Variants in FNIP2 observed in about 807,000 individuals in gnomAD.
FNIP2 encodes folliculin-interacting protein 2.
In FNIP2, 32 loss-of-function variants were observed where a neutral mutation model predicts 108.7. The observed-to-expected ratio is 0.29, with a 90% CI of 0.22 to 0.40. FNIP2 has a LOEUF of 0.40. Ranked by LOEUF, FNIP2 falls within the 10% of genes least tolerant of loss-of-function variation. The pLI is 1.00. For synonymous variants in FNIP2, 480 were observed against 496.7 expected (o/e 0.97, Z 0.45); for missense variants, 1,202 against 1,381.6 (o/e 0.87, Z 2.06).
chr4:158,801,280 T>TC (rs1428907985), intron 1 of FNIP2, among the ~76,000 whole-genome samples: 1 of 152,052 alleles, frequency 6.6e-6, no homozygotes, highest in Admixed American at 6.6e-5. Flanking sequence ...TGGCAAGGTG[T>TC]CCGACAAGAT....
chr4:158,811,555 T>TAA (rs1553956224), intron 1 of FNIP2, among the ~76,000 whole-genome samples: 45,580 of 151,286 alleles, frequency 0.3, 7,501 homozygotes, highest in Non-Finnish European at 0.38. Flanking sequence ...ATAATATTAA[T>TAA]TAATAATAAT....
At chr4:158,776,796 G>A (rs7695844) in intron 1 of FNIP2, among the ~76,000 whole-genome samples, 54,089 of 152,062 alleles carry the variant, frequency 0.36, 10,023 homozygotes, top group Middle Eastern at 0.47. Flanking sequence ...CCTGTTGAAT[G>A]AATGAATGAA....
chr4:158,884,077 G>C (rs1781881011), intron 14 of FNIP2, among the ~76,000 whole-genome samples: 1 of 151,634 alleles, frequency 6.6e-6, no homozygotes. Context: ...TGCAAGAACG[G>C]CATTTCCTCA....
intron 8 of FNIP2, among the ~76,000 whole-genome samples, chr4:158,853,968 T>A (rs1779842887): frequency 6.6e-6 from 1 of 152,226 alleles, no homozygotes; most frequent in South Asian, 2.1e-4. Flanking sequence ...AAATTAATTT[T>A]AAAATGGCCT....
At chr4:158,841,033 T>C (rs1241725826) in intron 7 of FNIP2, among the ~76,000 whole-genome samples, 4 of 152,236 alleles carry the variant, frequency 2.6e-5, no homozygotes, top group African/African-American at 7.2e-5. Context: ...TTTTGGTCAC[T>C]CTGCAGATAC....
At chr4:158,851,131 T>G (rs958903507) in intron 7 of FNIP2, among the ~76,000 whole-genome samples, 190 bp from the exon 8 acceptor site, 6 of 152,184 alleles carry the variant, frequency 3.9e-5, no homozygotes, top group Admixed American at 3.3e-4. Flanking sequence ...CTCAACCATT[T>G]TATTAGGTTG....
chr4:158,839,530 A>AT (rs923117553), intron 7 of FNIP2, among the ~76,000 whole-genome samples: 446 of 147,114 alleles, frequency 3.0e-3, no homozygotes, highest in African/African-American at 0.01. Context: ...CACACCCAGA[A>AT]TTTTTTTTTT....
chr4:158,781,943 C>G (rs1236497566), intron 1 of FNIP2, among the ~76,000 whole-genome samples: 3 of 151,922 alleles, frequency 2.0e-5, no homozygotes, highest in Non-Finnish European at 4.4e-5. Flanking sequence ...GCCTTTCTTG[C>G]AAGTTTGTCT....
chr4:158,770,646 A>G, intron 1 of FNIP2, among the ~76,000 whole-genome samples: 1 of 152,190 alleles, frequency 6.6e-6, no homozygotes, highest in East Asian at 1.9e-4. Context: ...TAGGCTAACA[A>G]GCCTTATAAT....
At chr4:158,873,680 A>C (rs1781093061) in intron 14 of FNIP2, among the ~76,000 whole-genome samples, 1 of 152,246 alleles carries the variant, frequency 6.6e-6, no homozygotes, top group Non-Finnish European at 1.5e-5. Context: ...TGACTTTCAC[A>C]TATCAAGATT....
At position 158,826,001 on chromosome 4, in the gene FNIP2, G is replaced by T; in HGVS notation, c.193G>T (p.Asp65Tyr). Residue 65 changes from aspartate to tyrosine, a missense_variant, in exon 2 of 17, where the codon GAC (aspartate) becomes TAC (tyrosine). Asp to Tyr is a radical substitution (Grantham distance 160). Around this residue, in one of 5 missense-constraint regions of FNIP2, gnomAD observed 173 missense variants for 165.9 expected, o/e 1.04. Coordinates refer to ENST00000264433, the MANE Select transcript of FNIP2 (RefSeq NM_020840.3). ...CAGGAGAGGCAGACAAGTCTTGTTT[G>T]ACTCTAAAGCTGTTCAAAAGATTGA... Reference protein sequence around the residue: ...CDRRGRQVLFDSKAVQKIEEV... With the variant: ...CDRRGRQVLFYSKAVQKIEEV... The T allele has an allele frequency of 1.9e-6, 3 of 1,608,776 alleles. No homozygotes were observed. In the South Asian group the frequency reaches 3.3e-5, roughly 18 times the overall value.
intron 1 of FNIP2, among the ~76,000 whole-genome samples, chr4:158,819,428 A>G (rs1777756812): frequency 6.6e-6 from 1 of 152,232 alleles, no homozygotes; most frequent in African/African-American, 2.4e-5. Flanking sequence ...TGTTATCAAT[A>G]TATATTAAAG....
Position 158,870,372 on chromosome 4 carries a change from A to C in FNIP2, c.2852A>C (p.Tyr951Ser), listed in dbSNP as rs373943260. Residue 951 changes from tyrosine (Y) to serine (S), a missense_variant, in exon 14 of 17, where the codon TAC (tyrosine) becomes TCC (serine). By Grantham distance (144) the Tyr-to-Ser change is moderately radical (BLOSUM62 -2). Transcript: ENST00000264433. ...TTTGGCCGCTCACTTCTGGCGGGCTACTGCCCCACATACATGCCTGATCTT... is the reference window on the plus strand; with the variant it reads ...TTTGGCCGCTCACTTCTGGCGGGCTCCTGCCCCACATACATGCCTGATCTT... ...RNFGRSLLAG[Y>S]CPTYMPDLVL... 1.2e-6 allele frequency: 2 copies of C among 1,614,066 alleles called. No individual in the cohort carries two copies. The highest frequency in any genetic ancestry group is 1.7e-6 in the Non-Finnish European group (2 of 1,179,894).
chr4:158,861,856 C>T, intron 12 of FNIP2, 80 bp downstream of exon 12: 1 of 1,476,496 alleles, frequency 6.8e-7, no homozygotes, highest in Admixed American at 1.8e-5. Context: ...TTTATACCGG[C>T]TCTCTCACCC....
intron 14 of FNIP2, 37 bp downstream of exon 14, chr4:158,870,506 AGTGT>A: frequency 6.4e-7 from 1 of 1,571,782 alleles, no homozygotes; most frequent in South Asian, 1.1e-5. Context: ...GGCTGCTGAC[AGTGT>A]GTCAGTCAAG....
In FNIP2 at chr4:158,868,063, C is replaced by T. The variant is rs2126700362; in HGVS notation, c.1466-39C>T. The T allele has an allele frequency of 1.9e-6, 3 of 1,602,588 alleles. No individual in the cohort carries two copies. Among genetic ancestry groups the T allele is most frequent in the Middle Eastern group, 1.8e-4 (1 of 5,670 alleles). Reference sequence around the variant, plus strand: ...CGGATATATCTGTGACATGCTAACCCCAGAGACCACTGCCTTTGTGTCCAC... The same window carrying T: ...CGGATATATCTGTGACATGCTAACCTCAGAGACCACTGCCTTTGTGTCCAC... On this transcript the variant is annotated intron_variant, in intron 12 of 16. Coordinates refer to ENST00000264433, the MANE Select transcript of FNIP2 (RefSeq NM_020840.3). The surrounding 1 kb of genome is among the most constrained non-coding windows in gnomAD (Gnocchi z 4.6).
chr4:158,811,685 A>G (rs1313165662), intron 1 of FNIP2, among the ~76,000 whole-genome samples: 3 of 152,112 alleles, frequency 2.0e-5, no homozygotes, highest in African/African-American at 4.8e-5. Context: ...AACACACACA[A>G]AACTTCTGGG....
intron 1 of FNIP2, among the ~76,000 whole-genome samples, chr4:158,810,569 A>C (rs1220739063): frequency 6.6e-6 from 1 of 152,222 alleles, no homozygotes; most frequent in Non-Finnish European, 1.5e-5. Flanking sequence ...TGTCTGATTT[A>C]GGGTTCAAGA....
intron 1 of FNIP2, among the ~76,000 whole-genome samples, chr4:158,776,180 T>C (rs1775852800): frequency 6.6e-6 from 1 of 152,206 alleles, no homozygotes; most frequent in African/African-American, 2.4e-5. Context: ...ACTGAGGCAG[T>C]AGGAATTCAT....
Sources: gnomAD v4.1 joint callset for allele counts (sites outside exome capture counted in the v4.1 genomes callset) on GRCh38, gnomAD v4.1.1 for gene constraint, gnomAD v4.1.1 regional missense constraint, Gnocchi (gnomAD v3.1) non-coding constraint, MANE v1.5 for transcripts, NCBI Gene and HGNC (gene_info 2026-07-23, HGNC 2026-07-21) for gene names.